EIF2S3: variants seen among roughly 807,000 people sequenced by gnomAD.
The protein encoded by EIF2S3 is eukaryotic translation initiation factor 2 subunit gamma, also known as eukaryotic translation initiation factor 2 subunit 3.
A neutral mutation model predicts 31.7 loss-of-function variants in EIF2S3; 2 were observed. The ratio of observed to expected loss-of-function variants is 0.06; its 90% CI spans 0.03 to 0.20. The LOEUF (loss-of-function observed/expected upper bound fraction) is 0.20, where lower values mean the gene tolerates loss of function less well. EIF2S3 is among the 10% of genes least tolerant of loss of function. The probability of loss-of-function intolerance (pLI) is 1.00; values close to 1 mark genes in which losing one functional copy is unlikely to be tolerated. For synonymous variants in EIF2S3, 120 were observed against 126.7 expected, an observed-to-expected ratio of 0.95 and a Z score of 0.36; for missense variants, 96 against 359.3, an observed-to-expected ratio of 0.27 and a Z score of 5.92.
intron 1 of EIF2S3, 29 bp from the exon 2 acceptor site, chrX:24,055,571 TCATTTGTTTTACGTG>T (rs1344837984): frequency 8.5e-7 from 1 of 1,172,539 alleles, no homozygotes; most frequent in Non-Finnish European, 1.2e-6. Flanking sequence ...GGAAAAGTTC[TCATTTGTTTTACGTG>T]CAGTGTTTTA....
In EIF2S3 at chrX:24,077,077, G is replaced by T. The variant is rs1231579216; in HGVS notation, c.*292G>T. 1 of 206,390 alleles carries T rather than the reference G, an allele frequency of 4.8e-6. No individual in the cohort carries two copies. The highest frequency in any genetic ancestry group is 8.6e-6 in the Non-Finnish European group (1 of 115,729). 17.0% of individuals were successfully genotyped at this position (206,390 alleles called of 1,213,427 possible). A position where few individuals can be genotyped will look rare whatever the true frequency, so the allele number is the denominator to read the frequency against. ...ATACATCATGCAGTTCTGTTTTTTT[G>T]TTTGTTTTATTTTGTTTTGTTTTTG... On this transcript the variant is annotated 3_prime_UTR_variant, in exon 12 of 12. Coordinates refer to ENST00000253039, the MANE Select transcript of EIF2S3 (RefSeq NM_001415.4).
Position 24,071,712 on chromosome X carries a change from C to T in EIF2S3, c.1167C>T (p.Asp389=). The change falls in exon 10 of 12, where the codon GAC becomes GAT. Residue 389 remains aspartate (D), a synonymous_variant. Coordinates refer to ENST00000253039, the MANE Select transcript of EIF2S3 (RefSeq NM_001415.4). ...RRLLGVRTEG[D]KKAAKVQKLS... The stretch of plus-strand genomic sequence containing the variant: ...TTCTAGGTGTACGCACTGAAGGAGA[C>T]AAGAAAGCAGCAAAGGTAAATGCTT... 1 of 1,208,802 alleles carries T rather than the reference C, an allele frequency of 8.3e-7. No homozygotes were observed. Among genetic ancestry groups the T allele is most frequent in the Non-Finnish European group, 1.1e-6 (1 of 894,521 alleles).
rs11375396 is a variant in EIF2S3, at chrX:24,067,493, CT to C, written c.868-452del. Among the ~76,000 whole-genome samples the C allele has an allele frequency of 7.8e-3, 649 of 82,680 alleles. 3 individuals carry two copies. The highest frequency in any genetic ancestry group is 8.8e-3 in the African/African-American group (194 of 22,162). The allele number at this position is 82,680 out of a possible 115,157, so 71.8% of individuals were successfully genotyped here. On this transcript the variant is annotated intron_variant, in intron 8 of 11. Transcript: ENST00000253039. ...CTGGTTTTGACAGTCTCGTTCACAT[CT>C]TTTTTTTTTTTTTTTTTTAAGAATA...
At chrX:24,064,171 A>G in intron 6 of EIF2S3, 30 bp from the exon 7 acceptor site, 3 of 1,107,670 alleles carry the variant, frequency 2.7e-6, no homozygotes, top group Non-Finnish European at 3.6e-6. Flanking sequence ...AAACTGTATA[A>G]TTTTGATCTT....
intron 11 of EIF2S3, among the ~76,000 whole-genome samples, chrX:24,076,283 G>A (rs906031298): frequency 5.4e-5 from 6 of 111,539 alleles, no homozygotes; most frequent in Non-Finnish European, 9.4e-5. Flanking sequence ...TGTAAGCCCA[G>A]CACTTTGTGA....
At chrX:24,073,331 C>T in intron 11 of EIF2S3, 68 bp downstream of exon 11, 1 of 1,121,178 alleles carries the variant, frequency 8.9e-7, no homozygotes, top group Non-Finnish European at 1.2e-6. Flanking sequence ...AAAAAAAGCA[C>T]ACAATCTTCC....
chrX:24,073,468 G>A (rs1438752344), intron 11 of EIF2S3: 14 of 361,970 alleles, frequency 3.9e-5, no homozygotes, highest in Non-Finnish European at 4.7e-5. Context: ...CTAGGCGGGT[G>A]GATCATGAGG....
intron 5 of EIF2S3, among the ~76,000 whole-genome samples, chrX:24,060,948 CAAAAAAAAAAA>C (rs35873085): frequency 1.2e-4 from 3 of 24,322 alleles, no homozygotes; most frequent in South Asian, 6.9e-3. Context: ...AACTACATCT[CAAAAAAAAAAA>C]AAAAAAAAAA....
chrX:24,055,188 C>T (rs899539396), intron 1 of EIF2S3, 151 bp downstream of exon 1: 5 of 607,506 alleles, frequency 8.2e-6, no homozygotes, highest in Non-Finnish European at 1.3e-5. Context: ...AAGCCATGCT[C>T]GCGCCGCCTG....
chrX:24,063,914 TTTTC>T (rs1316343160), intron 6 of EIF2S3, among the ~76,000 whole-genome samples: 1 of 112,122 alleles, frequency 8.9e-6, no homozygotes, highest in Non-Finnish European at 1.9e-5. Context: ...AATGTTAGTA[TTTTC>T]TTTATTTAAA....
At chrX:24,064,362 C>G in intron 7 of EIF2S3, 27 bp downstream of exon 7, 1 of 1,127,101 alleles carries the variant, frequency 8.9e-7, no homozygotes, top group African/African-American at 1.8e-5. Context: ...GCCTTTAACT[C>G]TTAATCTGAT....
intron 11 of EIF2S3, 147 bp downstream of exon 11, chrX:24,073,410 C>G: frequency 1.3e-6 from 1 of 787,375 alleles, no homozygotes; most frequent in South Asian, 3.1e-5. Flanking sequence ...AACTATACTT[C>G]GGCCGGGTGC....
rs1445124095 is a variant in EIF2S3 at position 24,054,994 on chromosome X, C to T, written c.26C>T (p.Thr9Ile). MAGGEAGV[T>I]LGQPHLSRQD... ...ATGGCGGGCGGAGAAGCTGGAGTGA[C>T]TCTAGGGCAGCCGCATCTTTCGCGT... The change falls in exon 1 of 12, where the codon ACT becomes ATT. Residue 9 changes from threonine to isoleucine, a missense_variant. This residue lies in a region of EIF2S3 where 27 missense variants were observed against 21.3 expected (regional missense o/e 1.27). Transcript: ENST00000253039. The T allele has an allele frequency of 8.3e-7, 1 of 1,211,054 alleles. No homozygotes were observed.
In EIF2S3 at chrX:24,062,450, G is replaced by A. The variant is rs750532793; in HGVS notation, c.513G>A (p.Ser171=). Residue 171 remains serine, a synonymous_variant, in exon 6 of 12, where the codon TCG becomes TCA. Transcript: ENST00000253039. ...AATCTTGCCCTCAGCCTCAGACATC[G>A]GAACACCTGGCTGCTATAGAGATCA... ...GNESCPQPQT[S]EHLAAIEIMK... The A allele has an allele frequency of 5.8e-6, 7 of 1,202,343 alleles. No homozygotes were observed. The highest frequency in any genetic ancestry group is 5.6e-6 in the Non-Finnish European group (5 of 893,256).
rs767539942 is a variant in EIF2S3 at position 24,062,589 on chromosome X, T to G, written c.637+15T>G. ...ATTTGTCCAAGGTAAGAAGCCATAA[T>G]ATGAAATAAATCTATGAATCACTTT... is the stretch of plus-strand genomic sequence containing the variant. On this transcript the variant is annotated intron_variant, in intron 6 of 11. Transcript: ENST00000253039. 70 of 1,202,044 alleles carry G rather than the reference T, an allele frequency of 5.8e-5. No homozygotes were observed. The highest frequency in any genetic ancestry group is 7.5e-5 in the Non-Finnish European group (67 of 891,716).
intron 7 of EIF2S3, among the ~76,000 whole-genome samples, chrX:24,065,713 A>G (rs1380899917): frequency 1.8e-5 from 2 of 112,191 alleles, no homozygotes; most frequent in African/African-American, 6.5e-5. Flanking sequence ...TGTGAGGGTC[A>G]TCCTTCCAGA....
intron 9 of EIF2S3, among the ~76,000 whole-genome samples, chrX:24,068,664 T>C (rs1428308800): frequency 1.8e-5 from 2 of 111,475 alleles, no homozygotes; most frequent in African/African-American, 6.5e-5. Context: ...CAGGCTGGTC[T>C]TGAACTCCTG....
intron 7 of EIF2S3, among the ~76,000 whole-genome samples, chrX:24,065,402 C>T (rs761341784): frequency 9.0e-6 from 1 of 110,744 alleles, no homozygotes; most frequent in East Asian, 2.8e-4. Context: ...GAGAGGATTG[C>T]TTGAGGCTAG....
chrX:24,065,734 T>G (rs1930562271), intron 7 of EIF2S3, among the ~76,000 whole-genome samples: 1 of 112,390 alleles, frequency 8.9e-6, no homozygotes, highest in Non-Finnish European at 1.9e-5. Flanking sequence ...TCATTACATA[T>G]AGCTCTAACA....
Sources: gnomAD v4.1 joint callset for allele counts (sites outside exome capture counted in the v4.1 genomes callset) on GRCh38, gnomAD v4.1.1 for gene constraint, gnomAD v4.1.1 regional missense constraint, MANE v1.5 for transcripts, NCBI Gene and HGNC (gene_info 2026-07-23, HGNC 2026-07-21) for gene names.